The following LINGO2 variants were observed in gnomAD, a reference collection of about 807,000 sequenced individuals.
The protein encoded by LINGO2 is leucine-rich repeat and immunoglobulin-like domain-containing nogo receptor-interacting protein 2.
A neutral mutation model predicts 30.6 loss-of-function variants in LINGO2; 14 were observed. The observed-to-expected ratio is 0.46, with a 90% CI of 0.30 to 0.72. The LOEUF is 0.72. Ranked by LOEUF, LINGO2 falls within the 30% of genes least tolerant of loss-of-function variation. The probability of loss-of-function intolerance (pLI) is 0.07; values close to 1 mark genes in which losing one functional copy is unlikely to be tolerated. For missense variants in LINGO2, 729 were observed against 751.7 expected (o/e 0.97, Z 0.35); for synonymous variants, 317 against 288.5 (o/e 1.10, Z -1.00).
chr9:28,653,288 C>A (rs1042685982), intron 1 of LINGO2, among the ~76,000 whole-genome samples: 1 of 152,082 alleles, frequency 6.6e-6, no homozygotes, highest in Non-Finnish European at 1.5e-5. Flanking sequence ...ACTGTACCAC[C>A]TGGAGCTAGG....
intron 5 of LINGO2, among the ~76,000 whole-genome samples, chr9:27,997,421 T>C (rs576345582): frequency 3.9e-5 from 6 of 151,936 alleles, no homozygotes; most frequent in Non-Finnish European, 8.8e-5. Context: ...AAGTGAGAAA[T>C]CTGAGTCCAG....
intron 1 of LINGO2, among the ~76,000 whole-genome samples, chr9:28,617,875 T>C (rs550997790): frequency 6.6e-6 from 1 of 152,286 alleles, no homozygotes; most frequent in South Asian, 2.1e-4. Context: ...ACACTTTCAA[T>C]TGCTTTTTGG....
the LINGO2 span, among the ~76,000 whole-genome samples, chr9:28,764,521 A>G: frequency 1.3e-5 from 2 of 151,990 alleles, no homozygotes; most frequent in Non-Finnish European, 2.9e-5. Flanking sequence ...AGTAAAGGCC[A>G]TATCTAAGCC....
the LINGO2 span, among the ~76,000 whole-genome samples, chr9:28,752,935 G>GA: frequency 6.6e-6 from 1 of 151,926 alleles, no homozygotes; most frequent in Non-Finnish European, 1.5e-5. Context: ...AATACTTTTT[G>GA]AAAAAGGTAA....
At chr9:28,015,119 T>TC (rs1353857277) in intron 4 of LINGO2, among the ~76,000 whole-genome samples, 1 of 152,130 alleles carries the variant, frequency 6.6e-6, no homozygotes, top group Non-Finnish European at 1.5e-5. Flanking sequence ...GGCAACCAAA[T>TC]CGTCCACGCT....
At chr9:28,335,103 C>G (rs1271211232) in intron 3 of LINGO2, among the ~76,000 whole-genome samples, 1 of 144,666 alleles carries the variant, frequency 6.9e-6, no homozygotes, top group African/African-American at 2.6e-5. Flanking sequence ...CCTTCTCTTC[C>G]TCTAGTTAGC....
At chr9:28,396,253 A>C (rs10968558) in intron 2 of LINGO2, among the ~76,000 whole-genome samples, 1 of 152,124 alleles carries the variant, frequency 6.6e-6, no homozygotes, top group Non-Finnish European at 1.5e-5. Context: ...GCTGCGAGTT[A>C]CAAGTGCTAT....
chr9:28,621,998 T>C (rs563558732), intron 1 of LINGO2, among the ~76,000 whole-genome samples: 1 of 152,184 alleles, frequency 6.6e-6, no homozygotes, highest in African/African-American at 2.4e-5. Flanking sequence ...AGTTATTCCG[T>C]TACTAGGAAT....
At chr9:28,924,046 A>T in the LINGO2 span, among the ~76,000 whole-genome samples, 4 of 152,184 alleles carry the variant, frequency 2.6e-5, no homozygotes, top group Non-Finnish European at 5.9e-5. Flanking sequence ...TGTAGATAAG[A>T]CCATGTCACT....
At chr9:28,943,342 A>G in the LINGO2 span, among the ~76,000 whole-genome samples, 1 of 151,926 alleles carries the variant, frequency 6.6e-6, no homozygotes, top group Admixed American at 6.6e-5. Context: ...CCTCTCTAAA[A>G]TAAAGATCCA....
intron 4 of LINGO2, among the ~76,000 whole-genome samples, chr9:28,183,832 A>G (rs535463216): frequency 6.6e-6 from 1 of 152,330 alleles, no homozygotes; most frequent in African/African-American, 2.4e-5. Context: ...CAAGAAGACA[A>G]GGTCAGCATG....
chr9:28,875,930 T>G, the LINGO2 span, among the ~76,000 whole-genome samples: 1 of 152,178 alleles, frequency 6.6e-6, no homozygotes, highest in African/African-American at 2.4e-5. Context: ...GCCATTCACA[T>G]TTCATTTAAC....
chr9:28,957,749 G>C, the LINGO2 span, among the ~76,000 whole-genome samples: 59 of 152,074 alleles, frequency 3.9e-4, no homozygotes, highest in Non-Finnish European at 7.2e-4. Context: ...AAGAGGTTTG[G>C]CAAAGTAAAA....
At chr9:28,011,018 C>T (rs1275920576) in intron 5 of LINGO2, among the ~76,000 whole-genome samples, 1 of 152,104 alleles carries the variant, frequency 6.6e-6, no homozygotes, top group East Asian at 1.9e-4. Flanking sequence ...ACAGCTTATC[C>T]CCTTGTGGTT....
chr9:28,419,327 T>C (rs113664302), intron 2 of LINGO2, among the ~76,000 whole-genome samples: 2 of 152,132 alleles, frequency 1.3e-5, no homozygotes, highest in African/African-American at 2.4e-5. Context: ...AAGAAAAACA[T>C]TTATTGGATA....
In LINGO2 at chr9:28,613,586, G is replaced by A. The variant is rs557776726; in HGVS notation, c.-365+56614C>T. Among the ~76,000 whole-genome samples, 30 of 152,086 alleles carry A rather than the reference G, an allele frequency of 2.0e-4. No individual in the cohort carries two copies. In the South Asian group the frequency reaches 5.0e-3, roughly 25 times the overall value. On this transcript the variant is annotated intron_variant, in intron 1 of 5. Coordinates refer to ENST00000379992, the Ensembl canonical transcript of LINGO2. ...TTAATATAAATATGTCACCTCTGCC[G>A]TACTAGAATGTGTAAAGTTGAGCCC...
intron 1 of LINGO2, among the ~76,000 whole-genome samples, chr9:28,573,160 G>A (rs1238965299): frequency 1.3e-5 from 2 of 152,096 alleles, no homozygotes; most frequent in Non-Finnish European, 2.9e-5. Context: ...AAAGCTGAAG[G>A]CAATCTTGAA....
intron 2 of LINGO2, among the ~76,000 whole-genome samples, chr9:28,456,459 G>A (rs1335599587): frequency 6.6e-6 from 1 of 152,162 alleles, no homozygotes; most frequent in Non-Finnish European, 1.5e-5. Flanking sequence ...AGAAAGTGAA[G>A]ACAAATAAAT....
At chr9:28,473,220 A>G (rs1350436922) in intron 2 of LINGO2, among the ~76,000 whole-genome samples, 1 of 151,702 alleles carries the variant, frequency 6.6e-6, no homozygotes, top group Non-Finnish European at 1.5e-5. Flanking sequence ...TTTTTTCAGC[A>G]GAAAGCTTCT....
Sources: allele counts gnomAD v4.1 joint callset (sites outside exome capture counted in the v4.1 genomes callset), GRCh38; gene constraint gnomAD v4.1.1; transcripts MANE v1.5; gene names NCBI Gene and HGNC (gene_info 2026-07-23, HGNC 2026-07-21).